The following MMP16 variants were observed in gnomAD, a reference collection of about 807,000 sequenced individuals.
MMP16 encodes the protein matrix metallopeptidase 16, also known as matrix metalloproteinase-16.
Under a neutral mutation model 67.8 loss-of-function variants are expected in MMP16, and 12 were observed. That is an observed-to-expected ratio of 0.18 (90% CI 0.11 to 0.29). The LOEUF (loss-of-function observed/expected upper bound fraction) is 0.29. MMP16 is among the 10% of genes least tolerant of loss of function. The pLI is 1.00. For missense variants in MMP16, 475 were observed against 765.7 expected (o/e 0.62, Z 4.48); for synonymous variants, 249 against 255.9 (o/e 0.97, Z 0.26).
chr8:88,218,281 C>G (rs1809625195), intron 1 of MMP16, among the ~76,000 whole-genome samples: 1 of 151,902 alleles, frequency 6.6e-6, no homozygotes, highest in Admixed American at 6.6e-5. Context: ...GCACAGGAAG[C>G]TAAGCAAATC....
chr8:88,169,183 C>A (rs922388831), intron 3 of MMP16, among the ~76,000 whole-genome samples: 1 of 151,932 alleles, frequency 6.6e-6, no homozygotes, highest in African/African-American at 2.4e-5. Context: ...TTATTTTGCC[C>A]TTTTAAGACT....
At chr8:88,265,405 G>A (rs945254856) in intron 1 of MMP16, among the ~76,000 whole-genome samples, 2 of 151,890 alleles carry the variant, frequency 1.3e-5, no homozygotes, top group Admixed American at 1.3e-4. Flanking sequence ...ATGAAGCACT[G>A]AGAATTCAGT....
chr8:88,317,446 T>A (rs544514993), intron 1 of MMP16, among the ~76,000 whole-genome samples: 9 of 152,310 alleles, frequency 5.9e-5, no homozygotes, highest in Admixed American at 5.9e-4. Context: ...GGTATGTACA[T>A]GCTTTTTTAG....
At chr8:88,176,210 C>T (rs577380911) in intron 3 of MMP16, among the ~76,000 whole-genome samples, 92 of 152,292 alleles carry the variant, frequency 6.0e-4, no homozygotes, top group African/African-American at 2.1e-3. Flanking sequence ...AGACTCTTAA[C>T]TGATGCTGTG....
intron 6 of MMP16, among the ~76,000 whole-genome samples, chr8:88,106,289 C>T (rs1809240225): frequency 6.6e-6 from 1 of 151,046 alleles, no homozygotes; most frequent in African/African-American, 2.4e-5. Context: ...TCTTAAATGG[C>T]ATGGTTTAAA....
At position 88,167,658 on chromosome 8, in the gene MMP16, C is replaced by T; in HGVS notation, c.709+11G>A. ...AGAAATATTTACACTGTAAAACAAA[C>T]ATGTACTTACCATCATGATTAGGAT... On this transcript the variant is annotated intron_variant, in intron 4 of 9. Transcript: ENST00000286614. 2 of 1,593,988 alleles carry T rather than the reference C, an allele frequency of 1.3e-6. No homozygotes were observed. Among genetic ancestry groups the T allele is most frequent in the Non-Finnish European group, 8.6e-7 (1 of 1,169,392 alleles).
rs557268727 is a variant in MMP16 at position 88,209,797 on chromosome 8, A to G, written c.133-12491T>C. 1.5e-3 allele frequency among the ~76,000 whole-genome samples: 223 copies of G among 152,304 alleles called. 2 individuals are homozygous for G. Among genetic ancestry groups the G allele is most frequent in the Non-Finnish European group, 2.8e-3 (188 of 68,034 alleles). On this transcript the variant is annotated intron_variant, in intron 1 of 9. Transcript: ENST00000286614. Reference sequence around the variant, plus strand: ...CATGTTGCAGTGTGTAGAATGTAGCATTTTTAAGACCAGATAATATCCCAT... The same window carrying G: ...CATGTTGCAGTGTGTAGAATGTAGCGTTTTTAAGACCAGATAATATCCCAT...
rs983102191 is a variant in MMP16 at position 88,073,329 on chromosome 8, G to C, written c.1222+1276C>G. ...AAAATTAATAGCAATCTTACTAGCA[G>C]CAGCAGGAATAGCTGGCATTTATTG... On this transcript the variant is annotated intron_variant, in intron 7 of 9. Transcript: ENST00000286614. Among the ~76,000 whole-genome samples the C allele has an allele frequency of 2.9e-4, 44 of 152,188 alleles. 1 individual carries two copies. Among genetic ancestry groups the C allele is most frequent in the African/African-American group, 1.0e-3 (42 of 41,446 alleles).
intron 1 of MMP16, among the ~76,000 whole-genome samples, chr8:88,234,769 A>G (rs1809914869): frequency 6.6e-6 from 1 of 152,246 alleles, no homozygotes; most frequent in Admixed American, 6.5e-5. Context: ...GATGGAAGAA[A>G]GATGTCAAGT....
chr8:88,161,843 G>T (rs1459003087), intron 4 of MMP16, among the ~76,000 whole-genome samples: 2 of 152,118 alleles, frequency 1.3e-5, no homozygotes, highest in Non-Finnish European at 2.9e-5. Flanking sequence ...AGGTTGTTCA[G>T]TTTCCAGGCA....
At chr8:88,122,065 G>A (rs996857294) in intron 4 of MMP16, among the ~76,000 whole-genome samples, 1 of 151,936 alleles carries the variant, frequency 6.6e-6, no homozygotes, top group East Asian at 1.9e-4. Flanking sequence ...TCCTTCAAGA[G>A]GTCATCACTA....
At chr8:88,127,878 AC>A (rs907658344) in intron 4 of MMP16, among the ~76,000 whole-genome samples, 2 of 151,872 alleles carry the variant, frequency 1.3e-5, no homozygotes, top group African/African-American at 4.8e-5. Flanking sequence ...TCTTTCAAGC[AC>A]TTTGCTGATG....
intron 6 of MMP16, among the ~76,000 whole-genome samples, chr8:88,090,514 G>C (rs1808915441): frequency 6.6e-6 from 1 of 151,816 alleles, no homozygotes; most frequent in South Asian, 2.1e-4. Flanking sequence ...TTTCTGAAAG[G>C]AAAACTGAGT....
chr8:88,188,186 A>C (rs1041691696), intron 2 of MMP16, among the ~76,000 whole-genome samples: 15 of 152,248 alleles, frequency 9.9e-5, no homozygotes, highest in African/African-American at 3.6e-4. Context: ...TTTATTGCAT[A>C]GTTTAAGATC....
At chr8:88,230,272 T>C (rs954155306) in intron 1 of MMP16, among the ~76,000 whole-genome samples, 6 of 152,126 alleles carry the variant, frequency 3.9e-5, no homozygotes, top group Admixed American at 3.9e-4. Flanking sequence ...TGGGAACCAC[T>C]GCCCTAGAGC....
chr8:88,047,688 G>T (rs1808215856), intron 8 of MMP16, among the ~76,000 whole-genome samples: 1 of 152,160 alleles, frequency 6.6e-6, no homozygotes, highest in Admixed American at 6.6e-5. Context: ...GTGAGAGTAA[G>T]AACCAGAACC....
chr8:88,132,291 C>T (rs768486077), intron 4 of MMP16, among the ~76,000 whole-genome samples: 3 of 151,846 alleles, frequency 2.0e-5, no homozygotes, highest in Non-Finnish European at 2.9e-5. Flanking sequence ...TAAACAACTT[C>T]AAGAATGATA....
intron 7 of MMP16, among the ~76,000 whole-genome samples, chr8:88,057,742 T>G (rs975939399): frequency 1.3e-5 from 2 of 152,066 alleles, no homozygotes; most frequent in Non-Finnish European, 2.9e-5. Flanking sequence ...GTAATCTCAT[T>G]TACTCCAAGA....
chr8:88,286,121 C>T (rs954083815), intron 1 of MMP16, among the ~76,000 whole-genome samples: 2 of 152,180 alleles, frequency 1.3e-5, no homozygotes, highest in African/African-American at 4.8e-5. Context: ...CTGTTCACCA[C>T]TCCTTCCCAC....
Sources: gnomAD v4.1 joint callset for allele counts (sites outside exome capture counted in the v4.1 genomes callset) on GRCh38, gnomAD v4.1.1 for gene constraint, MANE v1.5 for transcripts, NCBI Gene and HGNC (gene_info 2026-07-23, HGNC 2026-07-21) for gene names.